Variants in SPSB1 observed in about 807,000 individuals in gnomAD.
SPSB1 encodes SPRY domain-containing SOCS box protein 1.
SPSB1 carries 8 observed loss-of-function variants against 21.2 expected under a neutral mutation model. That is an observed-to-expected ratio of 0.38 (90% CI 0.22 to 0.68). The LOEUF is 0.68. SPSB1 is among the 30% of genes least tolerant of loss of function. The pLI is 0.53. For synonymous variants in SPSB1, 169 were observed against 161.7 expected (o/e 1.05, Z -0.34); for missense variants, 242 against 377.8 (o/e 0.64, Z 2.98).
chr1:9,312,291 C>T, intron 1 of SPSB1, among the ~76,000 whole-genome samples: 1 of 152,006 alleles, frequency 6.6e-6, no homozygotes, highest in Non-Finnish European at 1.5e-5. Flanking sequence ...CCTCCCAAAG[C>T]TCTGGGATTA....
Position 9,348,937 on chromosome 1 carries a change from ATGTG to A in SPSB1, c.-149-6782_-149-6779del, listed in dbSNP as rs76253052. 0.15 allele frequency among the ~76,000 whole-genome samples: 23,037 copies of A among 150,664 alleles called. 1,846 individuals carry two copies. Among genetic ancestry groups the A allele is most frequent in the East Asian group, 0.3 (1,519 of 5,050 alleles). The stretch of plus-strand genomic sequence containing the variant: ...GACATCCCCTTTCACTCGTGCAAGA[ATGTG>A]TGTGTGTGTGTGTGTGTGTGTGTAT... On this transcript the variant is annotated intron_variant, in intron 1 of 2. Coordinates refer to ENST00000328089, the MANE Select transcript of SPSB1 (RefSeq NM_025106.4). The surrounding 1 kb of genome is among the most constrained non-coding windows in gnomAD (Gnocchi z 4.8).
At chr1:9,328,789 A>G (rs2310921) in intron 1 of SPSB1, among the ~76,000 whole-genome samples, 74,557 of 152,104 alleles carry the variant, frequency 0.49, 19,187 homozygotes, top group Middle Eastern at 0.6. Context: ...GGGCTTCCCA[A>G]CATGGCACTG....
At chr1:9,312,392 G>A (rs556154317) in intron 1 of SPSB1, among the ~76,000 whole-genome samples, 3 of 152,192 alleles carry the variant, frequency 2.0e-5, no homozygotes, top group Admixed American at 6.5e-5. Context: ...GGCAGTGAGC[G>A]CTAACACAGG....
chr1:9,336,728 A>G (rs1640011108), intron 1 of SPSB1, among the ~76,000 whole-genome samples: 1 of 152,224 alleles, frequency 6.6e-6, no homozygotes, highest in Non-Finnish European at 1.5e-5. Flanking sequence ...AGACAATAAA[A>G]GGGCATAGTT....
At chr1:9,300,877 C>A (rs991517261) in intron 1 of SPSB1, among the ~76,000 whole-genome samples, 1 of 152,186 alleles carries the variant, frequency 6.6e-6, no homozygotes. Flanking sequence ...TCCCTCTGAT[C>A]GATTGACAGT....
chr1:9,352,301 C>A (rs1000814787), intron 1 of SPSB1, among the ~76,000 whole-genome samples: 6 of 152,194 alleles, frequency 3.9e-5, no homozygotes, highest in African/African-American at 7.2e-5. Context: ...CGGGGCTGGC[C>A]CAGCCTCTGG....
chr1:9,317,786 A>G lies in SPSB1; in HGVS notation c.-150+24715A>G, dbSNP rs1268763861. Reference sequence around the variant, plus strand: ...GCGTGAGTCACCGTGCCTGGCCAGAAAAGACAGTTTCAGAGCCTTATGTAG... The same window carrying G: ...GCGTGAGTCACCGTGCCTGGCCAGAGAAGACAGTTTCAGAGCCTTATGTAG... On this transcript the variant is annotated intron_variant, in intron 1 of 2. Coordinates refer to ENST00000328089, the MANE Select transcript of SPSB1 (RefSeq NM_025106.4). The surrounding 1 kb of genome is among the most constrained non-coding windows in gnomAD (Gnocchi z 4.3). 6.6e-6 allele frequency among the ~76,000 whole-genome samples: 1 copy of G among 151,968 alleles called. No individual in the cohort carries two copies. The highest frequency in any genetic ancestry group is 1.5e-5 in the Non-Finnish European group (1 of 68,008).
At chr1:9,352,134 A>G (rs1431149121) in intron 1 of SPSB1, among the ~76,000 whole-genome samples, 1 of 152,198 alleles carries the variant, frequency 6.6e-6, no homozygotes, top group Admixed American at 6.5e-5. Context: ...GGTTAGGTTT[A>G]GGGAGCTCAG....
chr1:9,356,205 C>A lies in SPSB1; in HGVS notation c.314C>A (p.Ala105Asp). 1 of 1,593,156 alleles carries A rather than the reference C, an allele frequency of 6.3e-7. No homozygotes were observed. The highest frequency in any genetic ancestry group is 1.1e-5 in the South Asian group (1 of 87,404). Residue 105 changes from alanine (A) to aspartate (D), a missense_variant, in exon 2 of 3, where the codon GCC becomes GAC. Transcript: ENST00000328089. The surrounding 1 kb of genome is among the most constrained non-coding windows in gnomAD (Gnocchi z 7.4). ...CTGCACGTGTGGCAGATCACGTGGG[C>A]CATGAGACAGCGGGGCACACACGCC... is the stretch of plus-strand genomic sequence containing the variant. ...RGLHVWQITW[A>D]MRQRGTHAVV...
At chr1:9,358,443 C>G (rs954189523) in intron 2 of SPSB1, among the ~76,000 whole-genome samples, 20 of 152,336 alleles carry the variant, frequency 1.3e-4, no homozygotes, top group African/African-American at 3.6e-4. Flanking sequence ...ATGGAACCAG[C>G]AGAGTGAGTT....
rs1640625604 is a variant in SPSB1, at chr1:9,369,290, G to T, written c.*1715G>T. The T allele has an allele frequency of 6.6e-6, 1 of 151,750 alleles. No homozygotes were observed. Among genetic ancestry groups the T allele is most frequent in the African/African-American group, 2.4e-5 (1 of 41,222 alleles). The allele number at this position is 151,750 out of a possible 1,614,324, so 9.4% of individuals were successfully genotyped here. A position where few individuals can be genotyped will look rare whatever the true frequency, so the allele number is the denominator to read the frequency against. On this transcript the variant is annotated 3_prime_UTR_variant, in exon 3 of 3. Transcript: ENST00000328089. ...TGTTTCAGGTGGGTCACATTCTGATGAATGTTTCCCTTGTACAGATCCCAG... is the reference window on the plus strand; with the variant it reads ...TGTTTCAGGTGGGTCACATTCTGATTAATGTTTCCCTTGTACAGATCCCAG...
At chr1:9,314,926 G>A (rs1463493903) in intron 1 of SPSB1, among the ~76,000 whole-genome samples, 2 of 152,248 alleles carry the variant, frequency 1.3e-5, no homozygotes, top group South Asian at 2.1e-4. Flanking sequence ...CCTGCACACA[G>A]GAGTGGCCTC....
intron 1 of SPSB1, among the ~76,000 whole-genome samples, chr1:9,347,443 C>T (rs1278228460): frequency 2.0e-5 from 3 of 152,284 alleles, no homozygotes; most frequent in Admixed American, 2.0e-4. Context: ...ATTCAAAAAG[C>T]GTTTTTTCCC....
intron 1 of SPSB1, among the ~76,000 whole-genome samples, chr1:9,316,141 C>T (rs75604135): frequency 0.022 from 3,292 of 152,306 alleles, 44 homozygotes; most frequent in South Asian, 0.034. Context: ...CCTGACTCAG[C>T]CTTGCCCTGG....
intron 1 of SPSB1, among the ~76,000 whole-genome samples, chr1:9,326,325 G>A (rs9725969): frequency 0.87 from 132,139 of 152,028 alleles, 57,569 homozygotes; most frequent in Non-Finnish European, 0.89. Context: ...CACTGGAGGT[G>A]GAGACACCCA....
intron 1 of SPSB1, among the ~76,000 whole-genome samples, chr1:9,330,223 T>C (rs1639892226): frequency 6.6e-6 from 1 of 152,136 alleles, no homozygotes; most frequent in South Asian, 2.1e-4. Flanking sequence ...ATCCCAGCAC[T>C]TTGGGAGACT....
At chr1:9,332,054 T>C (rs890508287) in intron 1 of SPSB1, among the ~76,000 whole-genome samples, 5 of 152,142 alleles carry the variant, frequency 3.3e-5, no homozygotes, top group African/African-American at 1.2e-4. Context: ...ATTTTCAAAA[T>C]TTAAAAAAGC....
At chr1:9,332,654 C>T (rs914058749) in intron 1 of SPSB1, among the ~76,000 whole-genome samples, 4 of 152,178 alleles carry the variant, frequency 2.6e-5, no homozygotes, top group African/African-American at 9.7e-5. Context: ...GCAGGAAGAA[C>T]AGGCGGAGGA....
chr1:9,349,249 C>G (rs1166362490), intron 1 of SPSB1, among the ~76,000 whole-genome samples: 1 of 152,228 alleles, frequency 6.6e-6, no homozygotes. Context: ...TGCCTGCATC[C>G]CGTTTTTCGC....
Sources: gnomAD v4.1 joint callset for allele counts (sites outside exome capture counted in the v4.1 genomes callset) on GRCh38, gnomAD v4.1.1 for gene constraint, Gnocchi (gnomAD v3.1) non-coding constraint, MANE v1.5 for transcripts, NCBI Gene and HGNC (gene_info 2026-07-23, HGNC 2026-07-21) for gene names.